Variants in NCOA3 observed in about 807,000 individuals in gnomAD.
NCOA3 encodes the protein nuclear receptor coactivator 3.
NCOA3 carries 51 observed loss-of-function variants against 158.8 expected under a neutral mutation model. The ratio of observed to expected loss-of-function variants is 0.32; its 90% CI spans 0.26 to 0.41. The LOEUF is 0.41. Ranked by LOEUF, NCOA3 falls within the 10% of genes least tolerant of loss-of-function variation. The probability of loss-of-function intolerance (pLI) is 1.00; values close to 1 mark genes in which losing one functional copy is unlikely to be tolerated. For synonymous variants in NCOA3, 537 were observed against 592.4 expected (o/e 0.91, Z 1.36); for missense variants, 1,510 against 1,746.6 (o/e 0.86, Z 2.41).
chr20:47,647,318 C>A lies in NCOA3; in HGVS notation c.3498C>A (p.Thr1166=). The change falls in exon 18 of 23, where the codon ACC becomes ACA. Residue 1166 remains threonine (T), a synonymous_variant. Transcript: ENST00000371998. ...RANIMRPRTN[T]PKQLRMQLQQ... ...ACATCATGAGACCCCGGACAAACAC[C>A]CCCAAGCAACTTAGAATGCAGCTTC... 1 of 1,614,164 alleles carries A rather than the reference C, an allele frequency of 6.2e-7. No individual in the cohort carries two copies. Among genetic ancestry groups the A allele is most frequent in the Non-Finnish European group, 8.5e-7 (1 of 1,180,024 alleles).
intron 2 of NCOA3, among the ~76,000 whole-genome samples, chr20:47,585,714 A>C (rs2085525239): frequency 6.6e-6 from 1 of 152,136 alleles, no homozygotes; most frequent in South Asian, 2.1e-4. Flanking sequence ...ACTTTTAGCC[A>C]AGCTTATGTT....
chr20:47,529,676 G>C (rs986014285), intron 1 of NCOA3, among the ~76,000 whole-genome samples: 2 of 152,206 alleles, frequency 1.3e-5, no homozygotes, highest in African/African-American at 4.8e-5. Context: ...CTCTCAAAGT[G>C]TTGTGATTAC....
intron 2 of NCOA3, among the ~76,000 whole-genome samples, chr20:47,611,595 C>A (rs887200096): frequency 7.2e-5 from 11 of 152,212 alleles, no homozygotes; most frequent in African/African-American, 2.4e-4. Context: ...AGTTCGAGAC[C>A]AGCCTGGCCA....
intron 18 of NCOA3, 90 bp downstream of exon 18, chr20:47,647,456 C>A: frequency 1.7e-6 from 2 of 1,201,780 alleles, no homozygotes; most frequent in Non-Finnish European, 2.3e-6. Context: ...TGCAATCTAT[C>A]CCTGTCAACT....
At chr20:47,525,824 C>T (rs2084431262) in intron 1 of NCOA3, among the ~76,000 whole-genome samples, 1 of 98,322 alleles carries the variant, frequency 1.0e-5, no homozygotes, top group African/African-American at 4.1e-5. Context: ...TCCTCACTTC[C>T]CAGTAGGGGC....
intron 1 of NCOA3, among the ~76,000 whole-genome samples, chr20:47,571,080 C>T (rs1255374894): frequency 4.0e-5 from 6 of 150,352 alleles, no homozygotes. Flanking sequence ...TCTCAGCTCA[C>T]TGCAACCTCT....
intron 1 of NCOA3, among the ~76,000 whole-genome samples, chr20:47,508,300 G>A (rs2084060808): frequency 6.6e-6 from 1 of 152,310 alleles, no homozygotes; most frequent in Middle Eastern, 3.4e-3. Flanking sequence ...TGGATTGGGT[G>A]CAGCAAGACA....
intron 1 of NCOA3, among the ~76,000 whole-genome samples, chr20:47,559,985 C>T (rs2146177631): frequency 6.6e-6 from 1 of 152,212 alleles, no homozygotes; most frequent in Non-Finnish European, 1.5e-5. Flanking sequence ...GGGCTTTCAT[C>T]ACATTGGCCA....
At position 47,626,494 on chromosome 20, in the gene NCOA3, C is replaced by A. The variant is rs191057046; in HGVS notation, c.358-508C>A. On this transcript the variant is annotated intron_variant, in intron 5 of 22. Coordinates refer to ENST00000371998, the MANE Select transcript of NCOA3 (RefSeq NM_181659.3). ...ACACACTCCCCCACCCCCAATTATTCTTCTTTTTTTTTCCCCCCAGTAAGG... is the reference window on the plus strand; with the variant it reads ...ACACACTCCCCCACCCCCAATTATTATTCTTTTTTTTTCCCCCCAGTAAGG... 3.7e-3 allele frequency among the ~76,000 whole-genome samples: 521 copies of A among 142,542 alleles called. 2 individuals carry two copies. The highest frequency in any genetic ancestry group is 0.018 in the Middle Eastern group (5 of 274). The allele number at this position is 142,542 out of a possible 152,430, so 93.5% of individuals were successfully genotyped here.
At chr20:47,629,995 T>A (rs909974304) in intron 8 of NCOA3, among the ~76,000 whole-genome samples, 1 of 152,240 alleles carries the variant, frequency 6.6e-6, no homozygotes, top group African/African-American at 2.4e-5. Flanking sequence ...TTAACATCAT[T>A]TAAAACTGAG....
rs745385074 is a variant in NCOA3, at chr20:47,649,118, G to A, written c.3651+9G>A. Reference sequence around the variant, plus strand: ...CCCAGGTGAGCTCCCAGGTGAGGATGATAAGCCTCTCCACATGCATTGCTC... The same window carrying A: ...CCCAGGTGAGCTCCCAGGTGAGGATAATAAGCCTCTCCACATGCATTGCTC... On this transcript the variant is annotated intron_variant, in intron 19 of 22. Coordinates refer to ENST00000371998, the MANE Select transcript of NCOA3 (RefSeq NM_181659.3). 4.4e-6 allele frequency: 7 copies of A among 1,587,972 alleles called. No homozygotes were observed. Among genetic ancestry groups the A allele is most frequent in the Non-Finnish European group, 6.0e-6 (7 of 1,157,978 alleles).
rs1422161638 is a variant in NCOA3, at chr20:47,655,257, G to C, written c.*1840G>C. The C allele has an allele frequency of 1.3e-5, 2 of 152,240 alleles. No individual in the cohort carries two copies. The highest frequency in any genetic ancestry group is 4.8e-5 in the African/African-American group (2 of 41,532). 9.4% of individuals were successfully genotyped at this position (152,240 alleles called of 1,614,324 possible). Reference sequence around the variant, plus strand: ...AAATCAAGTTTAATTCCCTTTATCTGGGTTAATTCATTTGGTTCAAATAGT... The same window carrying C: ...AAATCAAGTTTAATTCCCTTTATCTCGGTTAATTCATTTGGTTCAAATAGT... On this transcript the variant is annotated 3_prime_UTR_variant, in exon 23 of 23. Transcript: ENST00000371998.
chr20:47,577,018 C>T (rs573497935), intron 1 of NCOA3, among the ~76,000 whole-genome samples: 2 of 152,288 alleles, frequency 1.3e-5, no homozygotes, highest in South Asian at 4.1e-4. Context: ...CCAAAGATAT[C>T]AGGCCTTTTA....
intron 1 of NCOA3, among the ~76,000 whole-genome samples, chr20:47,580,675 C>T (rs1368197210): frequency 6.6e-6 from 1 of 151,766 alleles, no homozygotes; most frequent in Non-Finnish European, 1.5e-5. Flanking sequence ...CATAAGAGAA[C>T]CATTTTAGAA....
intron 2 of NCOA3, among the ~76,000 whole-genome samples, chr20:47,607,971 G>A (rs1361229660): frequency 6.6e-6 from 1 of 151,962 alleles, no homozygotes; most frequent in African/African-American, 2.4e-5. Flanking sequence ...CAGAAGTTTT[G>A]TTTTTTGCAA....
chr20:47,570,984 A>ATGTGTGTGGGTGTG (rs2085285071), intron 1 of NCOA3, among the ~76,000 whole-genome samples: 1 of 120,762 alleles, frequency 8.3e-6, no homozygotes, highest in South Asian at 2.7e-4. Flanking sequence ...ATATACATAT[A>ATGTGTGTGGGTGTG]TGTGTGTGTG....
chr20:47,652,078 A>G (rs903614167), intron 20 of NCOA3, among the ~76,000 whole-genome samples: 48 of 152,086 alleles, frequency 3.2e-4, no homozygotes, highest in African/African-American at 1.1e-3. Context: ...TCTGAGGATT[A>G]TAACTCCCCT....
intron 1 of NCOA3, among the ~76,000 whole-genome samples, chr20:47,544,157 C>G (rs2084789107): frequency 6.6e-6 from 1 of 151,704 alleles, no homozygotes; most frequent in Admixed American, 6.6e-5. Context: ...CAAATTTCCA[C>G]TCTTGTGTTT....
intron 1 of NCOA3, among the ~76,000 whole-genome samples, chr20:47,518,441 C>CAA (rs752180370): frequency 1.7e-3 from 200 of 115,232 alleles, no homozygotes; most frequent in Non-Finnish European, 2.5e-3. Flanking sequence ...TTTTTTGAGA[C>CAA]AGAGTTTCGC....
Sources: gnomAD v4.1 joint callset for allele counts (sites outside exome capture counted in the v4.1 genomes callset) on GRCh38, gnomAD v4.1.1 for gene constraint, MANE v1.5 for transcripts, NCBI Gene and HGNC (gene_info 2026-07-23, HGNC 2026-07-21) for gene names.